Variants in ITFG1 observed in about 807,000 individuals in gnomAD.
ITFG1 encodes the protein T-cell immunomodulatory protein.
A neutral mutation model predicts 81.8 loss-of-function variants in ITFG1; 34 were observed. That is an observed-to-expected ratio of 0.42 (90% CI 0.32 to 0.55). The LOEUF (loss-of-function observed/expected upper bound fraction) is 0.55. Among genes scored for constraint, ITFG1 ranks in the 20% least tolerant of loss-of-function variants. The pLI, the probability that ITFG1 is intolerant of heterozygous loss-of-function variation, is 0.17. For synonymous variants in ITFG1, 285 were observed against 270.6 expected (o/e 1.05, Z -0.52); for missense variants, 672 against 755.4 (o/e 0.89, Z 1.29).
intron 6 of ITFG1, among the ~76,000 whole-genome samples, chr16:47,403,843 T>C (rs1205999992): frequency 2.0e-5 from 3 of 150,806 alleles, no homozygotes; most frequent in Non-Finnish European, 2.9e-5. Context: ...CTAGGTGGTT[T>C]CTCTAGGTCA....
intron 14 of ITFG1, among the ~76,000 whole-genome samples, chr16:47,173,590 T>C (rs916227969): frequency 1.3e-5 from 2 of 152,212 alleles, no homozygotes; most frequent in African/African-American, 4.8e-5. Context: ...GTATCTGTGA[T>C]AAGTTTTTAA....
chr16:47,251,484 G>A (rs1416750292), intron 12 of ITFG1, among the ~76,000 whole-genome samples: 1 of 140,852 alleles, frequency 7.1e-6, no homozygotes, highest in East Asian at 2.3e-4. Flanking sequence ...AGAAATGTAA[G>A]CAGAGAAAAC....
chr16:47,446,160 T>C lies in ITFG1; in HGVS notation c.560+5236A>G, dbSNP rs566211055. On this transcript the variant is annotated intron_variant, in intron 5 of 17. Transcript: ENST00000320640. Reference sequence around the variant, plus strand: ...CTTGCTTGAGATACTCTTTGTTCTCTTATTTCCCTATCCAACTCTGAGCCT... The same window carrying C: ...CTTGCTTGAGATACTCTTTGTTCTCCTATTTCCCTATCCAACTCTGAGCCT... Among the ~76,000 whole-genome samples the C allele has an allele frequency of 1.1e-4, 17 of 152,342 alleles. No homozygotes were observed. The East Asian group carries it at 2.9e-3, about 26-fold the overall frequency.
At chr16:47,396,177 TGAAGAAAAGTTAATC>T (rs1968590669) in intron 6 of ITFG1, 1 of 985,096 alleles carries the variant, frequency 1.0e-6, no homozygotes, top group African/African-American at 1.7e-5. Context: ...CATTTGCCTC[TGAAGAAAAGTTAATC>T]GGCTGCAACT....
intron 8 of ITFG1, 99 bp downstream of exon 8, chr16:47,365,689 A>T (rs1968167630): frequency 2.9e-6 from 2 of 699,888 alleles, no homozygotes; most frequent in African/African-American, 1.8e-5. Flanking sequence ...AAGACCCTGG[A>T]GTTATTTCCT....
At chr16:47,456,705 A>G (rs928749788) in intron 2 of ITFG1, among the ~76,000 whole-genome samples, 6 of 151,956 alleles carry the variant, frequency 3.9e-5, no homozygotes, top group Non-Finnish European at 7.4e-5. Flanking sequence ...AAAAAAAAAA[A>G]AAAAAAAGTG....
rs1426838848 is a variant in ITFG1, at chr16:47,439,951, CAG to C, written c.561-11055_561-11054del. Among the ~76,000 whole-genome samples, 5 of 152,228 alleles carry C rather than the reference CAG, an allele frequency of 3.3e-5. No homozygotes were observed. In the East Asian group the frequency reaches 9.6e-4, roughly 29 times the overall value. ...GTATTCAGGAAACTCATCTCACGTGCAGAGACACACATAGGCTCAAAATAAAG... is the reference window on the plus strand; with the variant it reads ...GTATTCAGGAAACTCATCTCACGTGCAGACACACATAGGCTCAAAATAAAG... On this transcript the variant is annotated intron_variant, in intron 5 of 17. Transcript: ENST00000320640.
At chr16:47,195,782 C>T (rs769163894) in intron 14 of ITFG1, among the ~76,000 whole-genome samples, 5 of 152,044 alleles carry the variant, frequency 3.3e-5, no homozygotes, top group African/African-American at 9.7e-5. Context: ...GATACATGTG[C>T]AGAATGTGCA....
rs117805421 is a variant in ITFG1 at position 47,289,206 on chromosome 16, T to G, written c.1070+22034A>C. On this transcript the variant is annotated intron_variant, in intron 10 of 17. Transcript: ENST00000320640. ...TTATATTCCTGGGATAAATTCACTT[T>G]GAACATGGTAAATGCTCTTTCTAAT... Among the ~76,000 whole-genome samples, 1,184 of 152,308 alleles carry G rather than the reference T, an allele frequency of 7.8e-3. 10 individuals are homozygous for G. The highest frequency in any genetic ancestry group is 0.012 in the Non-Finnish European group (798 of 68,018).
At chr16:47,220,683 A>T (rs1012533579) in intron 13 of ITFG1, among the ~76,000 whole-genome samples, 1 of 152,240 alleles carries the variant, frequency 6.6e-6, no homozygotes, top group Non-Finnish European at 1.5e-5. Context: ...AACTCAGTAA[A>T]CCAAAATTTC....
intron 2 of ITFG1, among the ~76,000 whole-genome samples, chr16:47,455,397 AAAAC>A (rs774659690): frequency 2.6e-5 from 4 of 152,016 alleles, no homozygotes; most frequent in Non-Finnish European, 5.9e-5. Flanking sequence ...TATAAAAAAA[AAAAC>A]AAACCAACAA....
At chr16:47,347,767 C>T (rs1461094071) in intron 8 of ITFG1, among the ~76,000 whole-genome samples, 2 of 152,196 alleles carry the variant, frequency 1.3e-5, no homozygotes, top group African/African-American at 4.8e-5. Flanking sequence ...CTCTGACCCC[C>T]AAGTAGCCTA....
At chr16:47,343,306 C>CA (rs1967809036) in intron 8 of ITFG1, among the ~76,000 whole-genome samples, 1 of 152,068 alleles carries the variant, frequency 6.6e-6, no homozygotes, top group Non-Finnish European at 1.5e-5. Context: ...TTTTTGTACT[C>CA]ATACCATGTA....
chr16:47,304,144 G>A (rs558108714), intron 10 of ITFG1, among the ~76,000 whole-genome samples: 21 of 152,258 alleles, frequency 1.4e-4, no homozygotes, highest in African/African-American at 4.6e-4. Flanking sequence ...AGTTCTTTCC[G>A]TATCAATAAT....
chr16:47,196,252 C>T (rs1026158574), intron 14 of ITFG1: 33 of 151,430 alleles, frequency 2.2e-4, no homozygotes, highest in Admixed American at 1.4e-3. Context: ...CTGAGCAACC[C>T]GAACCTGTGG....
chr16:47,398,127 T>G (rs1210589048), intron 6 of ITFG1, among the ~76,000 whole-genome samples: 1 of 152,192 alleles, frequency 6.6e-6, no homozygotes, highest in Non-Finnish European at 1.5e-5. Flanking sequence ...TAGCTTGAAA[T>G]TCAGACTTAA....
intron 7 of ITFG1, among the ~76,000 whole-genome samples, chr16:47,373,468 A>G (rs1023115194): frequency 4.5e-4 from 68 of 152,136 alleles, no homozygotes; most frequent in African/African-American, 1.6e-3. Context: ...TTTAGTAGAG[A>G]CGGGGTTTCA....
At chr16:47,325,835 G>C (rs1282170162) in intron 8 of ITFG1, among the ~76,000 whole-genome samples, 1 of 152,056 alleles carries the variant, frequency 6.6e-6, no homozygotes, top group African/African-American at 2.4e-5. Context: ...ATAATAAATA[G>C]CTTACCAACC....
intron 5 of ITFG1, among the ~76,000 whole-genome samples, chr16:47,430,923 A>C (rs191961531): frequency 6.6e-6 from 1 of 152,362 alleles, no homozygotes; most frequent in East Asian, 1.9e-4. Context: ...AAATAACACG[A>C]ATTCCCATCA....
Sources: gnomAD v4.1 joint callset for allele counts (sites outside exome capture counted in the v4.1 genomes callset) on GRCh38, gnomAD v4.1.1 for gene constraint, MANE v1.5 for transcripts, NCBI Gene and HGNC (gene_info 2026-07-23, HGNC 2026-07-21) for gene names.